The following MAGI2 variants were observed in gnomAD, a reference collection of about 807,000 sequenced individuals.
The protein encoded by MAGI2 is membrane-associated guanylate kinase, WW and PDZ domain-containing protein 2.
MAGI2 carries 35 observed loss-of-function variants against 133.3 expected under a neutral mutation model. The ratio of observed to expected loss-of-function variants is 0.26; its 90% CI spans 0.20 to 0.35. The LOEUF is 0.35. Ranked by LOEUF, MAGI2 falls within the 10% of genes least tolerant of loss-of-function variation. MAGI2 has a pLI of 1.00. For synonymous variants in MAGI2, 729 were observed against 710.6 expected (o/e 1.03, Z -0.41); for missense variants, 1,636 against 1,863.4 (o/e 0.88, Z 2.25).
intron 2 of MAGI2, among the ~76,000 whole-genome samples, chr7:78,787,185 A>T (rs1003593687): frequency 2.0e-5 from 3 of 152,238 alleles, no homozygotes; most frequent in Non-Finnish European, 4.4e-5. Flanking sequence ...TGACCTCATG[A>T]TCTGCCCGCC....
intron 2 of MAGI2, among the ~76,000 whole-genome samples, chr7:78,987,174 G>A (rs1291186217): frequency 6.6e-6 from 1 of 151,992 alleles, no homozygotes; most frequent in African/African-American, 2.4e-5. Context: ...AGGCAAGGAG[G>A]TGAAGTTTTA....
At chr7:78,788,457 G>C (rs373477811) in intron 2 of MAGI2, among the ~76,000 whole-genome samples, 1 of 151,740 alleles carries the variant, frequency 6.6e-6, no homozygotes, top group African/African-American at 2.4e-5. Context: ...CCTAACTTTA[G>C]GGTTTTCCAG....
At chr7:78,492,406 A>G (rs1793706359) in intron 5 of MAGI2, among the ~76,000 whole-genome samples, 1 of 152,142 alleles carries the variant, frequency 6.6e-6, no homozygotes, top group African/African-American at 2.4e-5. Flanking sequence ...CATCACATGA[A>G]GATCCAGCAC....
intron 1 of MAGI2, chr7:79,411,327 T>C (rs1356538090): frequency 6.6e-6 from 1 of 152,164 alleles, no homozygotes; most frequent in Non-Finnish European, 1.5e-5. Context: ...GAGATTACCC[T>C]AGCTACACAG....
intron 21 of MAGI2, among the ~76,000 whole-genome samples, chr7:78,052,385 T>C (rs1266600809): frequency 6.6e-6 from 1 of 152,130 alleles, no homozygotes; most frequent in Admixed American, 6.5e-5. Context: ...ACCACGTGAC[T>C]GCTGCACAGT....
At chr7:78,562,229 T>C (rs914074249) in intron 3 of MAGI2, among the ~76,000 whole-genome samples, 1 of 151,994 alleles carries the variant, frequency 6.6e-6, no homozygotes, top group African/African-American at 2.4e-5. Flanking sequence ...TTAAAGTGAG[T>C]GTTATTTGTA....
chr7:79,284,727 G>A (rs1835880904), intron 1 of MAGI2, among the ~76,000 whole-genome samples: 2 of 152,050 alleles, frequency 1.3e-5, no homozygotes, highest in South Asian at 4.1e-4. Flanking sequence ...TTCAGTTAAT[G>A]TTCAATTGGA....
intron 2 of MAGI2, among the ~76,000 whole-genome samples, chr7:78,650,858 C>G (rs1255837424): frequency 1.3e-5 from 2 of 152,106 alleles, no homozygotes; most frequent in South Asian, 2.1e-4. Context: ...GTCCAGCTAA[C>G]AAGAACAACA....
intron 1 of MAGI2, among the ~76,000 whole-genome samples, chr7:79,273,176 G>A (rs1834998811): frequency 6.6e-6 from 1 of 152,034 alleles, no homozygotes; most frequent in South Asian, 2.1e-4. Flanking sequence ...GTCTTACGTA[G>A]GGATGCCTTT....
chr7:78,977,589 A>G (rs1321553219), intron 2 of MAGI2, among the ~76,000 whole-genome samples: 1 of 151,794 alleles, frequency 6.6e-6, no homozygotes, highest in Non-Finnish European at 1.5e-5. Flanking sequence ...AAAAAACTAT[A>G]AAATTTATTG....
chr7:79,162,067 G>A (rs968829016), intron 1 of MAGI2, among the ~76,000 whole-genome samples: 5 of 151,290 alleles, frequency 3.3e-5, no homozygotes, highest in Non-Finnish European at 5.9e-5. Flanking sequence ...AAAAAAAAAA[G>A]CAGCTCAAGA....
rs563822494 is a variant in MAGI2 at position 78,811,776 on chromosome 7, T to G, written c.419-184537A>C. On this transcript the variant is annotated intron_variant, in intron 2 of 21. Transcript: ENST00000354212. Reference sequence around the variant, plus strand: ...TGGAAGATATATCTTTAAAGAGTGGTGTGGTAGGCTGAATAATGTCCCCTC... The same window carrying G: ...TGGAAGATATATCTTTAAAGAGTGGGGTGGTAGGCTGAATAATGTCCCCTC... Among the ~76,000 whole-genome samples, 202 of 152,308 alleles carry G rather than the reference T, an allele frequency of 1.3e-3. 1 individual carries two copies. The highest frequency in any genetic ancestry group is 6.8e-3 in the Middle Eastern group (2 of 294).
At chr7:78,561,195 T>C (rs1800367803) in intron 3 of MAGI2, among the ~76,000 whole-genome samples, 1 of 151,604 alleles carries the variant, frequency 6.6e-6, no homozygotes, top group African/African-American at 2.4e-5. Context: ...GAGCTGGAGG[T>C]CTCTGTGAAA....
intron 10 of MAGI2, among the ~76,000 whole-genome samples, chr7:78,203,598 G>A (rs1829465596): frequency 6.6e-6 from 1 of 152,170 alleles, no homozygotes; most frequent in Non-Finnish European, 1.5e-5. Flanking sequence ...CTAATGCTGA[G>A]TTGTGCTGCA....
intron 2 of MAGI2, among the ~76,000 whole-genome samples, chr7:78,664,009 G>A (rs1372133274): frequency 6.6e-6 from 1 of 152,146 alleles, no homozygotes; most frequent in African/African-American, 2.4e-5. Context: ...TGCTATCAGG[G>A]ATGAGCAGTG....
chr7:79,204,923 T>G (rs1828913727), intron 1 of MAGI2, among the ~76,000 whole-genome samples: 1 of 150,902 alleles, frequency 6.6e-6, no homozygotes, highest in Non-Finnish European at 1.5e-5. Context: ...AAATATACAG[T>G]AGAGGAGAAT....
chr7:78,269,394 CCCA>C (rs1253842076), intron 9 of MAGI2, among the ~76,000 whole-genome samples: 2 of 152,138 alleles, frequency 1.3e-5, no homozygotes, highest in East Asian at 3.9e-4. Flanking sequence ...TAATTAAACT[CCCA>C]CCAACAGTGT....
At chr7:79,149,119 TA>T (rs1269538979) in intron 1 of MAGI2, among the ~76,000 whole-genome samples, 7 of 144,370 alleles carry the variant, frequency 4.8e-5, no homozygotes, top group Admixed American at 2.1e-4. Flanking sequence ...TTATATTATA[TA>T]TAATATAATA....
Position 78,505,784 on chromosome 7 carries a change from G to A in MAGI2, c.755-3997C>T, listed in dbSNP as rs113021259. On this transcript the variant is annotated intron_variant, in intron 4 of 21. Coordinates refer to ENST00000354212, the MANE Select transcript of MAGI2 (RefSeq NM_012301.4). ...GCCTAAGGGAATCGTATGTATATGG[G>A]ATCTTCTGTATGTATATTCATCTAA... is the stretch of plus-strand genomic sequence containing the variant. Among the ~76,000 whole-genome samples the A allele has an allele frequency of 6.3e-3, 958 of 152,250 alleles. 4 individuals carry two copies. The highest frequency in any genetic ancestry group is 0.027 in the Middle Eastern group (8 of 294).
Sources: allele counts gnomAD v4.1 joint callset (sites outside exome capture counted in the v4.1 genomes callset), GRCh38; gene constraint gnomAD v4.1.1; transcripts MANE v1.5; gene names NCBI Gene and HGNC (gene_info 2026-07-23, HGNC 2026-07-21).